ROBO2: variants seen among roughly 807,000 people sequenced by gnomAD.
The protein encoded by ROBO2 is roundabout guidance receptor 2.
Under a neutral mutation model 160.8 loss-of-function variants are expected in ROBO2, and 53 were observed. The ratio of observed to expected loss-of-function variants is 0.33; its 90% CI spans 0.26 to 0.41. The LOEUF (loss-of-function observed/expected upper bound fraction) is 0.41, where lower values mean the gene tolerates loss of function less well. Among genes scored for constraint, ROBO2 ranks in the 10% least tolerant of loss-of-function variants. The pLI, the probability that ROBO2 is intolerant of heterozygous loss-of-function variation, is 1.00. For missense variants in ROBO2, 1,577 were observed against 1,722.4 expected (o/e 0.92, Z 1.49); for synonymous variants, 664 against 611.7 (o/e 1.09, Z -1.26).
intron 2 of ROBO2, among the ~76,000 whole-genome samples, chr3:76,090,530 A>G (rs1450530555): frequency 1.3e-5 from 2 of 152,198 alleles, no homozygotes; most frequent in Non-Finnish European, 2.9e-5. Flanking sequence ...CCCAAAGTTG[A>G]TCTATAGTTT....
rs571910610 is a variant in ROBO2, at chr3:76,797,686, G to A, written c.110-300328G>A. 1.2e-4 allele frequency among the ~76,000 whole-genome samples: 18 copies of A among 151,270 alleles called. No homozygotes were observed. In the East Asian group the frequency reaches 3.5e-3, roughly 29 times the overall value. On this transcript the variant is annotated intron_variant, in intron 2 of 26. Coordinates refer to the ROBO2 transcript ENST00000487694. Reference sequence around the variant, plus strand: ...ACAAGCTTTTAGCTAGACTAAATAAGAAAAAAGAAAGAAGACCCAAATAAA... The same window carrying A: ...ACAAGCTTTTAGCTAGACTAAATAAAAAAAAAGAAAGAAGACCCAAATAAA...
At chr3:76,524,583 A>T (rs75655797) in intron 2 of ROBO2, among the ~76,000 whole-genome samples, 2 of 151,730 alleles carry the variant, frequency 1.3e-5, no homozygotes, top group African/African-American at 2.4e-5. Context: ...ATGGAATTCA[A>T]TGATTTCCAT....
chr3:76,141,078 A>ATATATATATATATATATATATATAT lies in ROBO2; in HGVS notation c.109+203476_109+203477insTATATATATATATATATATATATAT, dbSNP rs1559585714. ...TTACATACATATATATATATATATA[A>ATATATATATATATATATATATATAT]AATATATGTGCCTGGGTTTATAGGT... On this transcript the variant is annotated intron_variant, in intron 2 of 26. Transcript: ENST00000487694. Among the ~76,000 whole-genome samples the ATATATATATATATATATATATATAT allele has an allele frequency of 2.5e-3, 43 of 17,544 alleles. 1 individual carries two copies. The highest frequency in any genetic ancestry group is 6.6e-3 in the African/African-American group (41 of 6,168). 11.5% of individuals were successfully genotyped at this position (17,544 alleles called of 152,430 possible).
In ROBO2 at chr3:75,933,862, G is replaced by A. The variant is rs149249140; in HGVS notation, c.-13-3619G>A. ...AAACTTCGATTTGCTCTTATAACGT[G>A]TTCTAAAGCCATTTAATTCAGGACT... On this transcript the variant is annotated intron_variant, in intron 1 of 26. Coordinates refer to the ROBO2 transcript ENST00000487694. 2.5e-3 allele frequency among the ~76,000 whole-genome samples: 383 copies of A among 152,184 alleles called. 2 individuals are homozygous for A. The highest frequency in any genetic ancestry group is 8.9e-3 in the African/African-American group (371 of 41,514).
chr3:76,806,214 C>T (rs796894479), intron 2 of ROBO2, among the ~76,000 whole-genome samples: 297 of 146,268 alleles, frequency 2.0e-3, no homozygotes, highest in African/African-American at 3.2e-3. Flanking sequence ...TTTCTGTGTG[C>T]GTGTGTGTGT....
chr3:76,717,067 G>C (rs142124446), intron 2 of ROBO2, among the ~76,000 whole-genome samples: 1 of 152,142 alleles, frequency 6.6e-6, no homozygotes, highest in Admixed American at 6.5e-5. Flanking sequence ...GATATCTGGC[G>C]TAAGTTTTGT....
At chr3:75,957,184 G>A (rs75081220) in intron 2 of ROBO2, among the ~76,000 whole-genome samples, 1,957 of 151,114 alleles carry the variant, frequency 0.013, 53 homozygotes, top group East Asian at 0.12. Flanking sequence ...ACATATTGAA[G>A]TTGGAATTCC....
At chr3:75,960,466 C>T (rs1948871029) in intron 2 of ROBO2, among the ~76,000 whole-genome samples, 1 of 151,656 alleles carries the variant, frequency 6.6e-6, no homozygotes, top group Non-Finnish European at 1.5e-5. Context: ...TTCATCCCCT[C>T]CCTCCTTTCC....
chr3:77,123,863 A>G (rs914807940), intron 2 of ROBO2, among the ~76,000 whole-genome samples: 2 of 148,534 alleles, frequency 1.3e-5, no homozygotes, highest in Non-Finnish European at 3.0e-5. Context: ...ATAGATACAT[A>G]GATACATATA....
intron 2 of ROBO2, among the ~76,000 whole-genome samples, chr3:76,114,997 T>C (rs2070397287): frequency 6.6e-6 from 1 of 152,150 alleles, no homozygotes; most frequent in African/African-American, 2.4e-5. Flanking sequence ...GGTTAGAATT[T>C]ATGATAGTTC....
At position 76,752,714 on chromosome 3, in the gene ROBO2, A is replaced by G. The variant is rs138306691; in HGVS notation, c.110-345300A>G. Reference sequence around the variant, plus strand: ...TACTGAAGTGTTTGAGGAAAACTGGATTAGAGAAAATTAAACATGTTTCTT... The same window carrying G: ...TACTGAAGTGTTTGAGGAAAACTGGGTTAGAGAAAATTAAACATGTTTCTT... On this transcript the variant is annotated intron_variant, in intron 2 of 26. Transcript: ENST00000487694. Among the ~76,000 whole-genome samples the G allele has an allele frequency of 3.8e-4, 58 of 152,024 alleles. No individual in the cohort carries two copies. The East Asian group carries it at 0.011, about 29-fold the overall frequency.
intron 2 of ROBO2, among the ~76,000 whole-genome samples, chr3:76,785,510 T>G (rs1012557513): frequency 6.6e-6 from 1 of 151,372 alleles, no homozygotes; most frequent in South Asian, 2.1e-4. Flanking sequence ...TCATATATGT[T>G]TGGTGATTTT....
intron 2 of ROBO2, among the ~76,000 whole-genome samples, chr3:77,211,252 T>G (rs1382505093): frequency 6.6e-6 from 1 of 152,186 alleles, no homozygotes; most frequent in African/African-American, 2.4e-5. Context: ...TAGCACCTGT[T>G]GTTGCCTGAC....
At chr3:77,448,165 T>C (rs1255810252) in intron 2 of ROBO2, among the ~76,000 whole-genome samples, 3 of 152,140 alleles carry the variant, frequency 2.0e-5, no homozygotes, top group East Asian at 1.9e-4. Context: ...GTGGCATTGA[T>C]GGGCTGAGCT....
At chr3:76,426,933 G>A (rs920493050) in intron 2 of ROBO2, among the ~76,000 whole-genome samples, 1 of 152,072 alleles carries the variant, frequency 6.6e-6, no homozygotes, top group African/African-American at 2.4e-5. Context: ...GATGGTGAGA[G>A]CATCACAGAA....
At chr3:77,082,614 G>T (rs1559968290) in intron 1 of ROBO2, among the ~76,000 whole-genome samples, 2 of 149,482 alleles carry the variant, frequency 1.3e-5, no homozygotes, top group Non-Finnish European at 1.5e-5. Flanking sequence ...TTAATTAACA[G>T]ATATATATAT....
At chr3:77,346,062 T>A (rs1051935902) in intron 2 of ROBO2, among the ~76,000 whole-genome samples, 11 of 152,132 alleles carry the variant, frequency 7.2e-5, no homozygotes, top group African/African-American at 2.7e-4. Context: ...TACTCTGTGT[T>A]ACTAAAACAG....
chr3:77,289,379 C>CCAG (rs1303997782), intron 2 of ROBO2, among the ~76,000 whole-genome samples: 2 of 133,580 alleles, frequency 1.5e-5, no homozygotes, highest in Non-Finnish European at 3.2e-5. Context: ...CTAGATCACC[C>CCAG]CAGACATAAA....
At chr3:76,320,958 A>T (rs904021614) in intron 2 of ROBO2, among the ~76,000 whole-genome samples, 28 of 152,220 alleles carry the variant, frequency 1.8e-4, no homozygotes, top group African/African-American at 6.5e-4. Flanking sequence ...TAGTCTATCT[A>T]CTATAGCCAT....
Sources: gnomAD v4.1 joint callset for allele counts (sites outside exome capture counted in the v4.1 genomes callset) on GRCh38, gnomAD v4.1.1 for gene constraint, MANE v1.5 for transcripts, NCBI Gene and HGNC (gene_info 2026-07-23, HGNC 2026-07-21) for gene names.